Variants in RNGTT observed in about 807,000 individuals in gnomAD.
RNGTT encodes RNA guanylyltransferase and 5'-phosphatase, also known as mRNA-capping enzyme.
A neutral mutation model predicts 79.3 loss-of-function variants in RNGTT; 33 were observed. The observed-to-expected ratio is 0.42, with a 90% CI of 0.32 to 0.56. The LOEUF is 0.56. Among genes scored for constraint, RNGTT ranks in the 20% least tolerant of loss-of-function variants. The pLI is 0.17. For missense variants in RNGTT, 497 were observed against 739.1 expected (o/e 0.67, Z 3.80); for synonymous variants, 222 against 235.9 (o/e 0.94, Z 0.54).
chr6:88,722,697 A>C (rs944255198), intron 13 of RNGTT, among the ~76,000 whole-genome samples: 3 of 152,254 alleles, frequency 2.0e-5, no homozygotes, highest in African/African-American at 7.2e-5. Context: ...GAAAGATCCA[A>C]GAAAAATCCC....
intron 11 of RNGTT, among the ~76,000 whole-genome samples, chr6:88,806,452 G>T (rs566534296): frequency 6.6e-6 from 1 of 151,796 alleles, no homozygotes; most frequent in East Asian, 1.9e-4. Context: ...TAAGTAGCTA[G>T]ATTACAGGCG....
chr6:88,792,721 G>A (rs1434351235), intron 12 of RNGTT, among the ~76,000 whole-genome samples: 1 of 152,208 alleles, frequency 6.6e-6, no homozygotes, highest in Non-Finnish European at 1.5e-5. Flanking sequence ...CCACTCTGGT[G>A]ATGGTGGCCT....
At chr6:88,787,751 C>T (rs969413489) in intron 12 of RNGTT, among the ~76,000 whole-genome samples, 4 of 151,778 alleles carry the variant, frequency 2.6e-5, no homozygotes, top group Non-Finnish European at 4.4e-5. Flanking sequence ...GTAGTGGTTC[C>T]AGCAAGAGGC....
chr6:88,845,419 C>T (rs747478815), intron 10 of RNGTT, among the ~76,000 whole-genome samples: 5 of 152,196 alleles, frequency 3.3e-5, no homozygotes, highest in African/African-American at 4.8e-5. Flanking sequence ...GGATAAGTCT[C>T]GTCCTATCCA....
Position 88,773,706 on chromosome 6 carries a change from T to G in RNGTT, c.1339-3832A>C, listed in dbSNP as rs537106801. On this transcript the variant is annotated intron_variant, in intron 12 of 15. Coordinates refer to ENST00000369485, the MANE Select transcript of RNGTT (RefSeq NM_003800.5). ...CTTTTCCACAAGGATGCCAAGCCCA[T>G]TCAATGAGGGAAAGAATACTCTCTT... Among the ~76,000 whole-genome samples the G allele has an allele frequency of 2.8e-4, 42 of 152,188 alleles. 2 individuals carry two copies. In the Middle Eastern group the frequency reaches 0.017, roughly 62 times the overall value.
chr6:88,701,741 A>G lies in RNGTT; in HGVS notation c.1440-23322T>C, dbSNP rs1262411686. Among the ~76,000 whole-genome samples, 4 of 152,248 alleles carry G rather than the reference A, an allele frequency of 2.6e-5. No individual in the cohort carries two copies. The East Asian group carries it at 7.7e-4, about 29-fold the overall frequency. ...ATATGGAAGCTAATGGAAATGACCA[A>G]TTTATCTAAAGGCACACAGATTGTA... On this transcript the variant is annotated intron_variant, in intron 13 of 15. Coordinates refer to ENST00000369485, the MANE Select transcript of RNGTT (RefSeq NM_003800.5).
intron 8 of RNGTT, among the ~76,000 whole-genome samples, chr6:88,862,107 C>G (rs1782030802): frequency 6.6e-6 from 1 of 152,130 alleles, no homozygotes. Flanking sequence ...TGTTCTTCAA[C>G]CGTTTCCTGG....
chr6:88,770,510 T>C (rs1369806795), intron 12 of RNGTT, among the ~76,000 whole-genome samples: 1 of 152,216 alleles, frequency 6.6e-6, no homozygotes. Context: ...TAGGATTCCA[T>C]TGTATGTATA....
chr6:88,883,170 CAAAAA>C (rs976114373), intron 8 of RNGTT, among the ~76,000 whole-genome samples: 2 of 68,870 alleles, frequency 2.9e-5, no homozygotes, highest in African/African-American at 8.9e-5. Context: ...CTCTTTATGA[CAAAAA>C]AAAAAAAAAA....
intron 1 of RNGTT, among the ~76,000 whole-genome samples, chr6:88,952,425 C>T (rs1446771218): frequency 6.6e-6 from 1 of 152,254 alleles, no homozygotes; most frequent in African/African-American, 2.4e-5. Context: ...CCCTGGCCAA[C>T]TTAAGACAAA....
intron 4 of RNGTT, among the ~76,000 whole-genome samples, chr6:88,907,010 G>A (rs568044846): frequency 6.6e-6 from 1 of 152,186 alleles, no homozygotes; most frequent in South Asian, 2.1e-4. Context: ...ATAATTAACT[G>A]ATAGATATAT....
At chr6:88,895,589 CTG>C (rs1384640384) in intron 6 of RNGTT, among the ~76,000 whole-genome samples, 2 of 152,240 alleles carry the variant, frequency 1.3e-5, no homozygotes, top group South Asian at 2.1e-4. Flanking sequence ...TCAGAAAAGA[CTG>C]TACTTAACAA....
At chr6:88,803,316 C>T (rs961305229) in intron 11 of RNGTT, among the ~76,000 whole-genome samples, 3 of 152,022 alleles carry the variant, frequency 2.0e-5, no homozygotes, top group African/African-American at 7.2e-5. Context: ...TGGCTCACAC[C>T]TGTAATCCCA....
chr6:88,783,442 A>G lies in RNGTT; in HGVS notation c.1339-13568T>C, dbSNP rs146615231. Among the ~76,000 whole-genome samples the G allele has an allele frequency of 2.1e-3, 321 of 152,274 alleles. 1 individual carries two copies. The highest frequency in any genetic ancestry group is 6.8e-3 in the Middle Eastern group (2 of 294). ...AAGGGTACAAAAATGGCAGGTAGAC[A>G]GAGATATCAGATGTTAATTAGCTGG... On this transcript the variant is annotated intron_variant, in intron 12 of 15. Transcript: ENST00000369485.
intron 8 of RNGTT, among the ~76,000 whole-genome samples, chr6:88,876,727 G>C (rs1782531265): frequency 6.6e-6 from 1 of 152,182 alleles, no homozygotes; most frequent in African/African-American, 2.4e-5. Flanking sequence ...GGGAAAAAAT[G>C]TTTGAAAATA....
chr6:88,729,050 A>C (rs1305326286), intron 13 of RNGTT, among the ~76,000 whole-genome samples: 1 of 152,178 alleles, frequency 6.6e-6, no homozygotes, highest in Non-Finnish European at 1.5e-5. Context: ...TACCGCCTGG[A>C]GTAACACATC....
intron 1 of RNGTT, among the ~76,000 whole-genome samples, chr6:88,950,860 G>GTT (rs1785220385): frequency 7.4e-6 from 1 of 135,858 alleles, no homozygotes; most frequent in African/African-American, 2.6e-5. Flanking sequence ...AACTGTTTTT[G>GTT]GTTTTTTTTT....
At position 88,963,327 on chromosome 6, in the gene RNGTT, GC is replaced by G; in HGVS notation, c.64+18del. The stretch of plus-strand genomic sequence containing the variant: ...CACGTTGGAGTGTGGGGATTCGAAC[GC>G]CCCCCAGTCCAGGTTACCTGCCACC... On this transcript the variant is annotated intron_variant, in intron 1 of 15. Transcript: ENST00000369485. The G allele has an allele frequency of 1.2e-6, 2 of 1,611,276 alleles. No individual in the cohort carries two copies. The highest frequency in any genetic ancestry group is 1.7e-6 in the Non-Finnish European group (2 of 1,178,544).
intron 14 of RNGTT, among the ~76,000 whole-genome samples, chr6:88,648,832 C>A (rs2127776832): frequency 6.6e-6 from 1 of 152,264 alleles, no homozygotes; most frequent in South Asian, 2.1e-4. Context: ...ACATCACATC[C>A]AACTTTGTGT....
Sources: allele counts gnomAD v4.1 joint callset (sites outside exome capture counted in the v4.1 genomes callset), GRCh38; gene constraint gnomAD v4.1.1; transcripts MANE v1.5; gene names NCBI Gene and HGNC (gene_info 2026-07-23, HGNC 2026-07-21).